The following PTPN14 variants were observed in gnomAD, a reference collection of about 807,000 sequenced individuals.
PTPN14 encodes tyrosine-protein phosphatase non-receptor type 14.
PTPN14 carries 53 observed loss-of-function variants against 126.8 expected under a neutral mutation model. The ratio of observed to expected loss-of-function variants is 0.42; its 90% confidence interval spans 0.34 to 0.53. PTPN14 has a LOEUF of 0.53. Ranked by LOEUF, PTPN14 falls within the 20% of genes least tolerant of loss-of-function variation. PTPN14 has a pLI of 0.08. For synonymous variants in PTPN14, 630 were observed against 599.3 expected (o/e 1.05, Z -0.75); for missense variants, 1,257 against 1,552.9 (o/e 0.81, Z 3.20).
rs767201561 is a variant in PTPN14 at position 214,384,550 on chromosome 1, G to A, written c.1305C>T (p.Ile435=). The change falls in exon 13 of 19, where the codon ATC becomes ATT. Residue 435 remains isoleucine, a synonymous_variant. Coordinates refer to ENST00000366956, the MANE Select transcript of PTPN14 (RefSeq NM_005401.5). This position sits in a 1 kb window ranked among gnomAD's most constrained non-coding sequence, Gnocchi z 5.3. ...YIPSHRHSAI[I]VPSYRPTPDY... is the part of the protein sequence containing the mutation. ...CGGGGGTTGGCCTGTACGAGGGCAC[G>A]ATGATCGCGCTGTGCCGGTGGCTCG... 1.9e-5 allele frequency: 31 copies of A among 1,614,042 alleles called. No homozygotes were observed. The highest frequency in any genetic ancestry group is 8.3e-5 in the Admixed American group (5 of 60,000).
intron 3 of PTPN14, among the ~76,000 whole-genome samples, chr1:214,419,522 T>C (rs192110137): frequency 9.6e-4 from 146 of 152,282 alleles, no homozygotes; most frequent in Non-Finnish European, 1.7e-3. Flanking sequence ...AAATGTGCTT[T>C]CCTCACTAGA....
At chr1:214,381,031 G>A (rs932907711) in intron 13 of PTPN14, among the ~76,000 whole-genome samples, 1 of 152,162 alleles carries the variant, frequency 6.6e-6, no homozygotes, top group South Asian at 2.1e-4. Flanking sequence ...TGAACTAAAG[G>A]TTAATGGCTA....
intron 11 of PTPN14, among the ~76,000 whole-genome samples, chr1:214,388,445 T>C (rs1157324897): frequency 6.6e-6 from 1 of 152,158 alleles, no homozygotes; most frequent in Admixed American, 6.6e-5. Flanking sequence ...CTCACTCTAT[T>C]GCCCAGGCTG....
At chr1:214,422,665 T>G (rs1192139845) in intron 3 of PTPN14, among the ~76,000 whole-genome samples, 1 of 152,212 alleles carries the variant, frequency 6.6e-6, no homozygotes, top group African/African-American at 2.4e-5. Flanking sequence ...ATAACATCCT[T>G]GAAGCTTTGG....
At chr1:214,413,545 A>C (rs1659356509) in intron 4 of PTPN14, among the ~76,000 whole-genome samples, 1 of 152,368 alleles carries the variant, frequency 6.6e-6, no homozygotes, top group Admixed American at 6.5e-5. Flanking sequence ...CAGTCCATGC[A>C]GGAAGAACCC....
chr1:214,388,516 C>T (rs1421756870), intron 11 of PTPN14, among the ~76,000 whole-genome samples: 1 of 152,096 alleles, frequency 6.6e-6, no homozygotes, highest in Non-Finnish European at 1.5e-5. Flanking sequence ...AAGAGATTCT[C>T]ATGCCTCAGC....
chr1:214,526,334 G>A (rs17023152), intron 1 of PTPN14, among the ~76,000 whole-genome samples: 4,006 of 152,132 alleles, frequency 0.026, 185 homozygotes, highest in African/African-American at 0.092. Flanking sequence ...CATTAATTTG[G>A]AGTCAGAGTA....
At chr1:214,483,853 C>CACCT (rs1298491647) in intron 1 of PTPN14, among the ~76,000 whole-genome samples, 1 of 152,140 alleles carries the variant, frequency 6.6e-6, no homozygotes, top group Non-Finnish European at 1.5e-5. Flanking sequence ...TTACCTTTAC[C>CACCT]ACCTAACTCA....
At chr1:214,363,893 C>T (rs1444209137) in intron 18 of PTPN14, among the ~76,000 whole-genome samples, 1 of 152,178 alleles carries the variant, frequency 6.6e-6, no homozygotes, top group Non-Finnish European at 1.5e-5. Context: ...CAAAGGAATG[C>T]CACGCACCTT....
chr1:214,498,584 A>T (rs960069445), intron 1 of PTPN14, among the ~76,000 whole-genome samples: 1 of 152,226 alleles, frequency 6.6e-6, no homozygotes, highest in Non-Finnish European at 1.5e-5. Flanking sequence ...ATGGAAACAT[A>T]TCCAAATATG....
At chr1:214,497,126 G>A (rs1389449134) in intron 1 of PTPN14, among the ~76,000 whole-genome samples, 2 of 151,564 alleles carry the variant, frequency 1.3e-5, no homozygotes, top group East Asian at 1.9e-4. Flanking sequence ...GCGGTGGGGG[G>A]TCGGGGGGAA....
chr1:214,405,141 C>T (rs1345517398), intron 5 of PTPN14, among the ~76,000 whole-genome samples: 2 of 152,208 alleles, frequency 1.3e-5, no homozygotes, highest in South Asian at 2.1e-4. Context: ...CATCCCATAA[C>T]GTCATGCAGT....
chr1:214,508,053 G>A (rs747712029), intron 1 of PTPN14, among the ~76,000 whole-genome samples: 13 of 152,182 alleles, frequency 8.5e-5, no homozygotes, highest in Non-Finnish European at 1.8e-4. Flanking sequence ...CCTTCAGCAA[G>A]TCCTAATGTT....
At chr1:214,420,318 A>T (rs941624462) in intron 3 of PTPN14, among the ~76,000 whole-genome samples, 4 of 152,208 alleles carry the variant, frequency 2.6e-5, no homozygotes, top group African/African-American at 9.7e-5. Context: ...CACAGACAAG[A>T]TTTTCTTGGC....
chr1:214,394,189 C>T (rs1293952127), intron 9 of PTPN14, among the ~76,000 whole-genome samples: 1 of 152,198 alleles, frequency 6.6e-6, no homozygotes. Context: ...CCCTCAGCTA[C>T]TTCAGATTAA....
intron 3 of PTPN14, among the ~76,000 whole-genome samples, chr1:214,434,639 A>G (rs1188840549): frequency 2.0e-5 from 3 of 152,248 alleles, no homozygotes; most frequent in Non-Finnish European, 2.9e-5. Flanking sequence ...GTTGGAAATC[A>G]AAAGCAAGGA....
In PTPN14 at chr1:214,352,222, C is replaced by T. The variant is rs1657720826; in HGVS notation, c.*5700G>A. 6.6e-6 allele frequency: 1 copy of T among 152,160 alleles called. No individual in the cohort carries two copies. Among genetic ancestry groups the T allele is most frequent in the Non-Finnish European group, 1.5e-5 (1 of 68,034 alleles). The allele number at this position is 152,160 out of a possible 1,614,324, so 9.4% of individuals were successfully genotyped here. ...TTCCAGTCTATGAAATTGATGGATG[C>T]CAGACACTCAATGCTAGGCTCATGG... is the stretch of plus-strand genomic sequence containing the variant. On this transcript the variant is annotated 3_prime_UTR_variant, in exon 19 of 19. Coordinates refer to ENST00000366956, the MANE Select transcript of PTPN14 (RefSeq NM_005401.5).
At chr1:214,494,619 T>C (rs886712411) in intron 1 of PTPN14, among the ~76,000 whole-genome samples, 2 of 152,220 alleles carry the variant, frequency 1.3e-5, no homozygotes, top group Non-Finnish European at 2.9e-5. Flanking sequence ...TAAGCTCTTT[T>C]TTTGCAAGGG....
intron 14 of PTPN14, 93 bp downstream of exon 14, chr1:214,377,866 A>T: frequency 1.4e-6 from 2 of 1,447,010 alleles, no homozygotes; most frequent in Non-Finnish European, 1.9e-6. Context: ...AATGCATCAC[A>T]CAAATCTCAA....
Sources: gnomAD v4.1 joint callset for allele counts (sites outside exome capture counted in the v4.1 genomes callset) on GRCh38, gnomAD v4.1.1 for gene constraint, Gnocchi (gnomAD v3.1) non-coding constraint, MANE v1.5 for transcripts, NCBI Gene and HGNC (gene_info 2026-07-23, HGNC 2026-07-21) for gene names.